Variants in PCLO observed in about 807,000 individuals in gnomAD.
PCLO encodes the protein piccolo presynaptic cytomatrix protein.
PCLO carries 82 observed loss-of-function variants against 427.5 expected under a neutral mutation model. The observed-to-expected ratio is 0.19, with a 90% CI of 0.16 to 0.23. The LOEUF is 0.23. Among genes scored for constraint, PCLO ranks in the 10% least tolerant of loss-of-function variants. The pLI, the probability that PCLO is intolerant of heterozygous loss-of-function variation, is 1.00. For synonymous variants in PCLO, 2,357 were observed against 2,155.4 expected, an observed-to-expected ratio of 1.09 and a Z score of -2.59; for missense variants, 6,239 against 6,115.9, an observed-to-expected ratio of 1.02 and a Z score of -0.67.
intron 16 of PCLO, among the ~76,000 whole-genome samples, chr7:82,834,946 CTTTT>C (rs36081669): frequency 3.1e-4 from 38 of 123,036 alleles, no homozygotes; most frequent in African/African-American, 8.5e-4. Context: ...CACCTATTAT[CTTTT>C]TTTTTGTTTG....
chr7:82,970,366 G>T (rs1037487342), intron 3 of PCLO, among the ~76,000 whole-genome samples: 2 of 151,816 alleles, frequency 1.3e-5, no homozygotes, highest in African/African-American at 4.8e-5. Context: ...AGATCAGGCC[G>T]GCAGAATGTG....
chr7:83,113,282 T>C (rs936035793), intron 3 of PCLO, among the ~76,000 whole-genome samples: 1 of 152,222 alleles, frequency 6.6e-6, no homozygotes, highest in African/African-American at 2.4e-5. Flanking sequence ...TCTGGCACCA[T>C]AGTCACCATC....
chr7:82,817,684 C>T (rs953514922), intron 20 of PCLO, among the ~76,000 whole-genome samples: 1 of 152,168 alleles, frequency 6.6e-6, no homozygotes, highest in African/African-American at 2.4e-5. Flanking sequence ...CAGTAGTGGT[C>T]TGTGGAAGTA....
chr7:83,090,260 T>C (rs1790346329), intron 3 of PCLO, among the ~76,000 whole-genome samples: 1 of 152,178 alleles, frequency 6.6e-6, no homozygotes, highest in Non-Finnish European at 1.5e-5. Flanking sequence ...ACTACCTATG[T>C]AAACTAATGC....
chr7:82,934,497 ACTTAT>A (rs967887454), intron 6 of PCLO, among the ~76,000 whole-genome samples: 27 of 151,960 alleles, frequency 1.8e-4, no homozygotes, highest in Middle Eastern at 6.8e-3. Context: ...GTTTATTTTA[ACTTAT>A]CTTAAGATGA....
intron 7 of PCLO, among the ~76,000 whole-genome samples, chr7:82,911,651 T>C (rs993083617): frequency 6.6e-6 from 1 of 152,018 alleles, no homozygotes; most frequent in Non-Finnish European, 1.5e-5. Context: ...TGAGACGAAG[T>C]CTCACTCTGT....
Position 83,162,661 on chromosome 7 carries a change from A to C in PCLO, c.-69T>G, listed in dbSNP as rs947556424. On this transcript the variant is annotated 5_prime_UTR_variant, in exon 1 of 25. Coordinates refer to ENST00000333891, the MANE Select transcript of PCLO (RefSeq NM_033026.6). Reference sequence around the variant, plus strand: ...CGTCCCAGTCGAGAAGCCCGCGGCCAGGGGAGCAGTCAGAGCCGGGGTCCG... The same window carrying C: ...CGTCCCAGTCGAGAAGCCCGCGGCCCGGGGAGCAGTCAGAGCCGGGGTCCG... 6.1e-6 allele frequency: 9 copies of C among 1,467,628 alleles called. No homozygotes were observed. The African/African-American group carries it at 1.3e-4, about 21-fold the overall frequency. 90.9% of individuals were successfully genotyped at this position (1,467,628 alleles called of 1,614,324 possible). A position where few individuals can be genotyped will look rare whatever the true frequency, so the allele number is the denominator to read the frequency against.
chr7:83,151,745 C>T (rs1792135569), intron 2 of PCLO, among the ~76,000 whole-genome samples: 1 of 152,176 alleles, frequency 6.6e-6, no homozygotes, highest in Non-Finnish European at 1.5e-5. Flanking sequence ...AACACTTCAT[C>T]TCTCTTCCTA....
chr7:83,129,047 A>G (rs1229235951), intron 3 of PCLO, among the ~76,000 whole-genome samples: 1 of 152,224 alleles, frequency 6.6e-6, no homozygotes, highest in East Asian at 1.9e-4. Context: ...CAACTTTAAG[A>G]GAGCACTGAA....
intron 22 of PCLO, among the ~76,000 whole-genome samples, chr7:82,762,442 G>A (rs933516549): frequency 3.9e-5 from 6 of 151,912 alleles, no homozygotes; most frequent in Admixed American, 3.9e-4. Context: ...AGATCTCTAG[G>A]AATCCATTAA....
intron 3 of PCLO, among the ~76,000 whole-genome samples, chr7:83,077,534 AT>A (rs1416993623): frequency 6.6e-6 from 1 of 152,148 alleles, no homozygotes; most frequent in Admixed American, 6.5e-5. Context: ...GCCAGACTTC[AT>A]GCCAAGTTTA....
At chr7:83,031,533 G>A (rs968543174) in intron 3 of PCLO, among the ~76,000 whole-genome samples, 1 of 152,068 alleles carries the variant, frequency 6.6e-6, no homozygotes, top group African/African-American at 2.4e-5. Context: ...AAAATACCAT[G>A]TTACACACAA....
At chr7:82,851,807 G>A (rs889306738) in intron 10 of PCLO, among the ~76,000 whole-genome samples, 5 of 152,112 alleles carry the variant, frequency 3.3e-5, no homozygotes, top group African/African-American at 1.2e-4. Context: ...ATCTCCCCTG[G>A]CGGACTCAAC....
intron 22 of PCLO, among the ~76,000 whole-genome samples, chr7:82,762,188 G>C (rs1479143863): frequency 1.3e-5 from 2 of 152,010 alleles, no homozygotes; most frequent in South Asian, 4.1e-4. Flanking sequence ...AAAGAGGAAA[G>C]GTTCTGAAGT....
chr7:82,867,977 C>A, intron 10 of PCLO: 1 of 360,770 alleles, frequency 2.8e-6, no homozygotes, highest in South Asian at 2.2e-5. Flanking sequence ...TTTTTCTTCA[C>A]AGAAGAGAGT....
chr7:82,869,875 C>A (rs985550122), intron 10 of PCLO, among the ~76,000 whole-genome samples: 2 of 151,932 alleles, frequency 1.3e-5, no homozygotes, highest in African/African-American at 4.8e-5. Flanking sequence ...AACTATAAAA[C>A]ATGAAATATC....
intron 11 of PCLO, among the ~76,000 whole-genome samples, chr7:82,846,844 A>G (rs1379960171): frequency 2.0e-5 from 3 of 152,126 alleles, no homozygotes; most frequent in Non-Finnish European, 4.4e-5. Flanking sequence ...TTTAAGGTGA[A>G]ATCTTTATGA....
intron 15 of PCLO, among the ~76,000 whole-genome samples, chr7:82,837,036 A>G (rs1424606485): frequency 4.6e-5 from 7 of 152,242 alleles, no homozygotes; most frequent in Non-Finnish European, 1.0e-4. Flanking sequence ...TTAGATCATC[A>G]AACCAGCTAG....
Position 82,953,058 on chromosome 7 carries a change from G to A in PCLO, c.7895C>T (p.Pro2632Leu), listed in dbSNP as rs2116437704. ...GTAGAAGGTCTGTTCTGAAGAAATT[G>A]GAATTTCTACAGCTGTCACAGGAGG... ...VVPPVTAVEI[P>L]ISSEQTFYIS... Residue 2632 changes from proline to leucine, a missense_variant, in exon 5 of 25, where the codon CCA becomes CTA. Coordinates refer to ENST00000333891, the MANE Select transcript of PCLO (RefSeq NM_033026.6). 1 of 1,613,866 alleles carries A rather than the reference G, an allele frequency of 6.2e-7. No homozygotes were observed.
Sources: gnomAD v4.1 joint callset for allele counts (sites outside exome capture counted in the v4.1 genomes callset) on GRCh38, gnomAD v4.1.1 for gene constraint, MANE v1.5 for transcripts, NCBI Gene and HGNC (gene_info 2026-07-23, HGNC 2026-07-21) for gene names.